The following IMPA1 variants were observed in gnomAD, a reference collection of about 807,000 sequenced individuals.
IMPA1 encodes the protein inositol monophosphatase 1, also known as D-galactose 1-phosphate phosphatase.
In IMPA1, 21 loss-of-function variants were observed where a neutral mutation model predicts 34.9. The observed-to-expected ratio is 0.60, with a 90% confidence interval of 0.43 to 0.87. IMPA1 has a LOEUF of 0.87. Ranked by LOEUF, IMPA1 falls within the 40% of genes least tolerant of loss-of-function variation. The pLI, the probability that IMPA1 is intolerant of heterozygous loss-of-function variation, is 0.00. For synonymous variants in IMPA1, 95 were observed against 104.4 expected, an observed-to-expected ratio of 0.91 and a Z score of 0.55; for missense variants, 299 against 336.4, an observed-to-expected ratio of 0.89 and a Z score of 0.87.
At chr8:81,685,614 T>C (rs1344438970) in intron 1 of IMPA1, 3 of 229,684 alleles carry the variant, frequency 1.3e-5, no homozygotes, top group Non-Finnish European at 2.4e-5. Context: ...GTATATATAC[T>C]ATACATAAGT....
chr8:81,665,119 G>A (rs1282787924), intron 7 of IMPA1, among the ~76,000 whole-genome samples: 3 of 151,774 alleles, frequency 2.0e-5, no homozygotes, highest in Admixed American at 6.6e-5. Context: ...AACATCGAAC[G>A]CTGTTAATAA....
At chr8:81,660,301 G>A (rs934720776) in intron 8 of IMPA1, among the ~76,000 whole-genome samples, 1 of 152,096 alleles carries the variant, frequency 6.6e-6, no homozygotes, top group Non-Finnish European at 1.5e-5. Flanking sequence ...CACTAGAAAA[G>A]GATTAGCCAT....
Position 81,681,502 on chromosome 8 carries a change from C to G in IMPA1, c.59G>C (p.Gly20Ala), listed in dbSNP as rs1039110261. The change falls in exon 2 of 9, where the codon GGA becomes GCA. Residue 20 changes from glycine to alanine, a missense_variant. Gly to Ala is a moderately conservative substitution (Grantham distance 60). Coordinates refer to ENST00000256108, the MANE Select transcript of IMPA1 (RefSeq NM_005536.4). ...DYAVTLARQA[G>A]EVVCEAIKNE... ...TGACAAAATCTTAGCTCATACCTCT[C>G]CAGCTTGTCTTGCTAGAGTTACTGC... The G allele has an allele frequency of 1.9e-6, 3 of 1,574,720 alleles. No individual in the cohort carries two copies. The highest frequency in any genetic ancestry group is 2.6e-6 in the Non-Finnish European group (3 of 1,145,602).
chr8:81,661,413 T>C (rs1241810333), intron 7 of IMPA1, among the ~76,000 whole-genome samples: 1 of 152,226 alleles, frequency 6.6e-6, no homozygotes, highest in Non-Finnish European at 1.5e-5. Context: ...TCACTCATAA[T>C]GGGACAAAAA....
chr8:81,668,964 T>C (rs1226078924), intron 7 of IMPA1, among the ~76,000 whole-genome samples: 3 of 152,196 alleles, frequency 2.0e-5, no homozygotes, highest in African/African-American at 7.2e-5. Flanking sequence ...GTGTGGCTTA[T>C]ACCACATCTC....
At position 81,657,399 on chromosome 8, in the gene IMPA1, T is replaced by A. The variant is rs1000039646; in HGVS notation, c.*1952A>T. Among the ~76,000 whole-genome samples, 2 of 150,978 alleles carry A rather than the reference T, an allele frequency of 1.3e-5. No homozygotes were observed. Among genetic ancestry groups the A allele is most frequent in the Non-Finnish European group, 3.0e-5 (2 of 67,782 alleles). On this transcript the variant is annotated 3_prime_UTR_variant, in exon 9 of 9. Transcript: ENST00000256108. ...CCCAATGAGACCAGCCTAAGCAACA[T>A]AGGAAGATTCTGTCTCTACAAAAAC...
chr8:81,658,498 T>C lies in IMPA1; in HGVS notation c.*853A>G, dbSNP rs1248540906. ...ACTTAGTAAAATGTTATATTGTATC[T>C]AATTATGTCAGATATCTGATGAGAG... On this transcript the variant is annotated 3_prime_UTR_variant, in exon 9 of 9. Coordinates refer to ENST00000256108, the MANE Select transcript of IMPA1 (RefSeq NM_005536.4). 6.6e-6 allele frequency: 1 copy of C among 152,560 alleles called. No individual in the cohort carries two copies. Among genetic ancestry groups the C allele is most frequent in the African/African-American group, 2.4e-5 (1 of 41,464 alleles). The allele number at this position is 152,560 out of a possible 1,614,324, so 9.5% of individuals were successfully genotyped here. A position where few individuals can be genotyped will look rare whatever the true frequency, so the allele number is the denominator to read the frequency against.
At chr8:81,670,322 C>A (rs1420449076) in intron 7 of IMPA1, among the ~76,000 whole-genome samples, 2 of 150,836 alleles carry the variant, frequency 1.3e-5, no homozygotes, top group Non-Finnish European at 3.0e-5. Context: ...ATATCTACAT[C>A]AATAAACATA....
Position 81,659,386 on chromosome 8 carries a change from G to C in IMPA1, c.799C>G (p.Gln267Glu), listed in dbSNP as rs753792061. 4 of 1,610,570 alleles carry C rather than the reference G, an allele frequency of 2.5e-6. No homozygotes were observed. The South Asian group carries it at 4.4e-5, about 18-fold the overall frequency. The stretch of plus-strand genomic sequence containing the variant: ...TCGTCTCGTTGCAAAGGTATAACCT[G>C]AATTTCTTTAGCTATCCTTTCTGCT... ...ILAERIAKEI[Q>E]VIPLQRDDED The change falls in exon 9 of 9, where the codon CAG (glutamine) becomes GAG (glutamate). Residue 267 changes from glutamine to glutamate, a missense_variant. Transcript: ENST00000256108.
At chr8:81,683,813 C>A (rs1563591744) in intron 1 of IMPA1, among the ~76,000 whole-genome samples, 1 of 152,118 alleles carries the variant, frequency 6.6e-6, no homozygotes, top group Non-Finnish European at 1.5e-5. Context: ...TGATTGACAA[C>A]TGTGTAGAAA....
chr8:81,657,068 A>G lies in IMPA1; in HGVS notation c.*2283T>C, dbSNP rs1298488904. 1.3e-5 allele frequency among the ~76,000 whole-genome samples: 2 copies of G among 152,202 alleles called. No homozygotes were observed. The highest frequency in any genetic ancestry group is 2.9e-5 in the Non-Finnish European group (2 of 68,034). On this transcript the variant is annotated 3_prime_UTR_variant, in exon 9 of 9. Coordinates refer to ENST00000256108, the MANE Select transcript of IMPA1 (RefSeq NM_005536.4). ...AAGAAGTCCTGTTACTCAAAGAAAT[A>G]TTTTCAAATATTATTAGATAATTCA... is the stretch of plus-strand genomic sequence containing the variant.
intron 7 of IMPA1, among the ~76,000 whole-genome samples, chr8:81,662,265 T>C (rs1319966941): frequency 6.6e-6 from 1 of 152,220 alleles, no homozygotes; most frequent in Non-Finnish European, 1.5e-5. Context: ...AGATATGTGA[T>C]ATTTGATATC....
At chr8:81,680,496 C>T (rs984612648) in intron 3 of IMPA1, among the ~76,000 whole-genome samples, 154 bp downstream of exon 3, 2 of 152,222 alleles carry the variant, frequency 1.3e-5, no homozygotes, top group African/African-American at 2.4e-5. Context: ...CAGTTCCAGT[C>T]CAACCTTCAG....
At position 81,684,541 on chromosome 8, in the gene IMPA1, AT is replaced by A. The variant is rs1339761810; in HGVS notation, c.-25+1710del. On this transcript the variant is annotated intron_variant, in intron 1 of 8. Coordinates refer to ENST00000256108, the MANE Select transcript of IMPA1 (RefSeq NM_005536.4). ...ACTATGTGTAGTATATATACTACAC[AT>A]AAGTATCTTTAGATACTAATGTGTA... 9.0e-4 allele frequency among the ~76,000 whole-genome samples: 92 copies of A among 102,780 alleles called. 2 individuals carry two copies. The highest frequency in any genetic ancestry group is 1.4e-3 in the Non-Finnish European group (74 of 52,254). 67.4% of individuals were successfully genotyped at this position (102,780 alleles called of 152,430 possible).
chr8:81,666,733 G>T (rs772311956), intron 7 of IMPA1, among the ~76,000 whole-genome samples: 1 of 151,872 alleles, frequency 6.6e-6, no homozygotes, highest in Non-Finnish European at 1.5e-5. Context: ...AGCCGGGCAT[G>T]GTGGTGCGTA....
chr8:81,657,868 ACAGT>A lies in IMPA1; in HGVS notation c.*1479_*1482del, dbSNP rs1340556458. ...CAGTGAGCTATGACTGCACCACAGCACAGTCAGAGACAGACCCTGGGCAACAGAG... is the reference window on the plus strand; with the variant it reads ...CAGTGAGCTATGACTGCACCACAGCACAGAGACAGACCCTGGGCAACAGAG... On this transcript the variant is annotated 3_prime_UTR_variant, in exon 9 of 9. Transcript: ENST00000256108. 4.6e-5 allele frequency: 7 copies of A among 152,220 alleles called. No homozygotes were observed. Among genetic ancestry groups the A allele is most frequent in the African/African-American group, 1.4e-4 (6 of 41,452 alleles). The allele number at this position is 152,220 out of a possible 1,614,324, so 9.4% of individuals were successfully genotyped here.
intron 1 of IMPA1, among the ~76,000 whole-genome samples, chr8:81,681,911 T>TTGGA (rs1348902093): frequency 1.3e-5 from 2 of 152,122 alleles, no homozygotes; most frequent in South Asian, 4.1e-4. Context: ...GGATAATATT[T>TTGGA]TGGAGGAGAA....
At chr8:81,663,297 A>T (rs1017995508) in intron 7 of IMPA1, among the ~76,000 whole-genome samples, 1 of 152,250 alleles carries the variant, frequency 6.6e-6, no homozygotes, top group Non-Finnish European at 1.5e-5. Context: ...TCTCAAGGGC[A>T]TCATTCTGGG....
intron 7 of IMPA1, among the ~76,000 whole-genome samples, chr8:81,667,188 G>A (rs1001664641): frequency 6.6e-6 from 1 of 152,098 alleles, no homozygotes; most frequent in East Asian, 1.9e-4. Context: ...CCTGGAAATA[G>A]GGAATTATAC....
Sources: allele counts gnomAD v4.1 joint callset (sites outside exome capture counted in the v4.1 genomes callset), GRCh38; gene constraint gnomAD v4.1.1; transcripts MANE v1.5; gene names NCBI Gene and HGNC (gene_info 2026-07-23, HGNC 2026-07-21).